NALF1: variants seen among roughly 807,000 people sequenced by gnomAD.
NALF1 encodes the protein NALCN channel auxiliary factor 1.
Under a neutral mutation model 48.4 loss-of-function variants are expected in NALF1, and 3 were observed. That is an observed-to-expected ratio of 0.06 (90% confidence interval 0.03 to 0.16). The LOEUF is 0.16. NALF1 is among the 10% of genes least tolerant of loss of function. The pLI, the probability that NALF1 is intolerant of heterozygous loss-of-function variation, is 1.00. For missense variants in NALF1, 526 were observed against 571.5 expected (o/e 0.92, Z 0.81); for synonymous variants, 262 against 245.7 (o/e 1.07, Z -0.62).
intron 1 of NALF1, among the ~76,000 whole-genome samples, chr13:107,291,434 T>C (rs9514648): frequency 0.2 from 29,640 of 151,670 alleles, 3,532 homozygotes; most frequent in Non-Finnish European, 0.26. Context: ...ACACAGTTTA[T>C]TTAGCATCCC....
intron 1 of NALF1, among the ~76,000 whole-genome samples, chr13:107,614,276 C>G (rs549521135): frequency 1.4e-4 from 21 of 152,324 alleles, no homozygotes; most frequent in Non-Finnish European, 2.9e-4. Flanking sequence ...CTAACATCAT[C>G]AAGGATTGGA....
intron 1 of NALF1, among the ~76,000 whole-genome samples, chr13:107,758,145 A>G (rs1217244919): frequency 6.6e-6 from 1 of 152,190 alleles, no homozygotes; most frequent in Non-Finnish European, 1.5e-5. Flanking sequence ...AAAATGTCCA[A>G]TGGAGAAACT....
At chr13:107,532,800 C>T (rs1012236722) in intron 1 of NALF1, among the ~76,000 whole-genome samples, 1 of 138,598 alleles carries the variant, frequency 7.2e-6, no homozygotes, top group Admixed American at 8.0e-5. Context: ...GAAAAGTTAG[C>T]AATTTAGAGA....
chr13:107,483,157 G>T (rs978553433), intron 1 of NALF1, among the ~76,000 whole-genome samples: 6 of 152,078 alleles, frequency 3.9e-5, no homozygotes, highest in African/African-American at 1.4e-4. Context: ...CCTGCACATA[G>T]GAAGAAATCA....
At chr13:107,617,260 T>G (rs530801930) in intron 1 of NALF1, among the ~76,000 whole-genome samples, 1 of 152,132 alleles carries the variant, frequency 6.6e-6, no homozygotes, top group Non-Finnish European at 1.5e-5. Flanking sequence ...CTCTAGGACA[T>G]GGGGCCCTGT....
At chr13:107,602,952 G>T (rs75976796) in intron 1 of NALF1, among the ~76,000 whole-genome samples, 1 of 152,118 alleles carries the variant, frequency 6.6e-6, no homozygotes, top group Non-Finnish European at 1.5e-5. Context: ...GGCCTAGTTA[G>T]TGGAAAAACG....
At chr13:107,522,818 C>T (rs947607180) in intron 1 of NALF1, among the ~76,000 whole-genome samples, 5 of 151,906 alleles carry the variant, frequency 3.3e-5, no homozygotes, top group African/African-American at 1.2e-4. Flanking sequence ...CAGGGTTTCT[C>T]CATGTTGCAG....
At chr13:107,235,151 T>A (rs1214097212) in intron 1 of NALF1, among the ~76,000 whole-genome samples, 1 of 152,222 alleles carries the variant, frequency 6.6e-6, no homozygotes, top group Non-Finnish European at 1.5e-5. Context: ...CATCGTTGTA[T>A]AACTTATTAG....
At chr13:107,635,470 G>C (rs1879951609) in intron 1 of NALF1, among the ~76,000 whole-genome samples, 1 of 152,138 alleles carries the variant, frequency 6.6e-6, no homozygotes, top group Non-Finnish European at 1.5e-5. Context: ...CTCATGACAT[G>C]CAGGGATTAT....
intron 1 of NALF1, among the ~76,000 whole-genome samples, chr13:107,211,167 G>A (rs1458425386): frequency 5.3e-5 from 8 of 152,140 alleles, no homozygotes; most frequent in African/African-American, 1.9e-4. Flanking sequence ...GGAGTCCCAC[G>A]TCTATGCCTC....
chr13:107,229,773 CATTA>C (rs1265870338), intron 1 of NALF1, among the ~76,000 whole-genome samples: 13 of 152,190 alleles, frequency 8.5e-5, no homozygotes, highest in African/African-American at 3.1e-4. Flanking sequence ...TCTCCATTAA[CATTA>C]ATTAAAGTCT....
At chr13:107,294,148 T>C (rs998159692) in intron 1 of NALF1, among the ~76,000 whole-genome samples, 6 of 152,062 alleles carry the variant, frequency 3.9e-5, no homozygotes, top group East Asian at 3.9e-4. Flanking sequence ...CTCACCCCCA[T>C]TGGGCACCAG....
In NALF1 at chr13:107,640,576, C is replaced by T. The variant is rs149856506; in HGVS notation, c.915+225106G>A. ...TAATAAATATGAAACAATCTATAGA[C>T]CAAGTGTTCTTCAGAGATGACTTTC... On this transcript the variant is annotated intron_variant, in intron 1 of 2. Coordinates refer to ENST00000375915, the MANE Select transcript of NALF1 (RefSeq NM_001080396.3). Among the ~76,000 whole-genome samples the T allele has an allele frequency of 3.2e-3, 494 of 152,156 alleles. 11 individuals carry two copies. The highest frequency in any genetic ancestry group is 0.024 in the East Asian group (123 of 5,172).
In NALF1 at chr13:107,866,529, C is replaced by T. The variant is rs1160566710; in HGVS notation, c.68G>A (p.Arg23Gln). The T allele has an allele frequency of 6.2e-7, 1 of 1,613,704 alleles. No individual in the cohort carries two copies. Among genetic ancestry groups the T allele is most frequent in the South Asian group, 1.1e-5 (1 of 91,066 alleles). Reference sequence around the variant, plus strand: ...ATCGATGAACGGTTTCTCGTTCTCTCGGGGTGCTGCCAACCAGATTTTTAA... The same window carrying T: ...ATCGATGAACGGTTTCTCGTTCTCTTGGGGTGCTGCCAACCAGATTTTTAA... ...DGLKIWLAAP[R>Q]ENEKPFIDSE... The change falls in exon 1 of 3, where the codon CGA (arginine) becomes CAA (glutamine). Residue 23 changes from arginine (R) to glutamine (Q), a missense_variant. By Grantham distance (43) the Arg-to-Gln change is conservative. Transcript: ENST00000375915. The surrounding 1 kb of genome is among the most constrained non-coding windows in gnomAD (Gnocchi z 4.4).
intron 1 of NALF1, among the ~76,000 whole-genome samples, chr13:107,501,943 T>C (rs183691617): frequency 1.3e-5 from 2 of 152,302 alleles, no homozygotes; most frequent in East Asian, 3.9e-4. Flanking sequence ...AAAAATATCC[T>C]CTCATTTAAA....
chr13:107,764,400 ATATG>A (rs1299500145), intron 1 of NALF1, among the ~76,000 whole-genome samples: 1 of 152,148 alleles, frequency 6.6e-6, no homozygotes, highest in African/African-American at 2.4e-5. Flanking sequence ...ATGTGTGCAT[ATATG>A]TGTGTGTATA....
chr13:107,318,878 G>A (rs904399573), intron 1 of NALF1, among the ~76,000 whole-genome samples: 2 of 152,020 alleles, frequency 1.3e-5, no homozygotes, highest in African/African-American at 4.8e-5. Flanking sequence ...TCCACCTATG[G>A]CATAAAGCAA....
chr13:107,557,893 G>A (rs1877526790), intron 1 of NALF1, among the ~76,000 whole-genome samples: 1 of 152,128 alleles, frequency 6.6e-6, no homozygotes, highest in Admixed American at 6.5e-5. Context: ...TATATTTCAA[G>A]TTTTATCAAA....
chr13:107,651,951 G>C (rs143416760), intron 1 of NALF1, among the ~76,000 whole-genome samples: 1 of 152,134 alleles, frequency 6.6e-6, no homozygotes, highest in Non-Finnish European at 1.5e-5. Context: ...AAACTTGAAA[G>C]TTTTCCATTT....
Sources: allele counts gnomAD v4.1 joint callset (sites outside exome capture counted in the v4.1 genomes callset), GRCh38; gene constraint gnomAD v4.1.1; non-coding constraint Gnocchi (gnomAD v3.1); transcripts MANE v1.5; gene names NCBI Gene and HGNC (gene_info 2026-07-23, HGNC 2026-07-21).